ZNF257: variants seen among roughly 807,000 people sequenced by gnomAD.
The protein encoded by ZNF257 is zinc finger protein 257.
Under a neutral mutation model 11.9 loss-of-function variants are expected in ZNF257, and 12 were observed. That is an observed-to-expected ratio of 1.01 (90% CI 0.65 to 1.63). ZNF257 has a LOEUF of 1.63. Among genes scored for constraint, ZNF257 ranks in the 40% most tolerant of loss-of-function variants. ZNF257 has a pLI of 0.00. For missense variants in ZNF257, 580 were observed against 665.5 expected, an observed-to-expected ratio of 0.87 and a Z score of 1.41; for synonymous variants, 183 against 222.7, an observed-to-expected ratio of 0.82 and a Z score of 1.59.
intron 1 of ZNF257, among the ~76,000 whole-genome samples, chr19:22,056,054 C>CAAAAAAAA (rs139730834): frequency 8.6e-6 from 1 of 116,674 alleles, no homozygotes; most frequent in African/African-American, 3.3e-5. Flanking sequence ...GACTCCGTCT[C>CAAAAAAAA]AAAAAAAAAA....
chr19:22,055,856 G>C (rs1395187932), intron 1 of ZNF257, among the ~76,000 whole-genome samples: 1 of 151,604 alleles, frequency 6.6e-6, no homozygotes, highest in Non-Finnish European at 1.5e-5. Context: ...ATTAGGTCAG[G>C]AGATCGAGAC....
chr19:22,082,069 A>C (rs2022371903), intron 3 of ZNF257, among the ~76,000 whole-genome samples: 1 of 142,288 alleles, frequency 7.0e-6, no homozygotes, highest in Non-Finnish European at 1.5e-5. Flanking sequence ...AGGTTAAAAC[A>C]ATATATTTTA....
intron 2 of ZNF257, 105 bp downstream of exon 2, chr19:22,073,040 T>G: frequency 7.7e-7 from 1 of 1,292,644 alleles, no homozygotes; most frequent in Non-Finnish European, 1.0e-6. Flanking sequence ...TAATTTTTGA[T>G]AATTATGTTT....
In ZNF257 at chr19:22,089,517, G is replaced by A. The variant is rs867151715; in HGVS notation, c.*75G>A. 1 of 1,503,878 alleles carries A rather than the reference G, an allele frequency of 6.6e-7. No individual in the cohort carries two copies. Among genetic ancestry groups the A allele is most frequent in the Non-Finnish European group, 8.9e-7 (1 of 1,127,580 alleles). 93.2% of individuals were successfully genotyped at this position (1,503,878 alleles called of 1,614,324 possible). A position where few individuals can be genotyped will look rare whatever the true frequency, so the allele number is the denominator to read the frequency against. Reference sequence around the variant, plus strand: ...TCCTCAATCCTTACTAAACATAAGGGAATTCATAATAGAGAAACCCTACAA... The same window carrying A: ...TCCTCAATCCTTACTAAACATAAGGAAATTCATAATAGAGAAACCCTACAA... On this transcript the variant is annotated 3_prime_UTR_variant, in exon 4 of 4. Coordinates refer to ENST00000594947, the MANE Select transcript of ZNF257 (RefSeq NM_033468.4).
intron 1 of ZNF257, among the ~76,000 whole-genome samples, chr19:22,059,194 T>A (rs1409177993): frequency 6.6e-6 from 1 of 152,158 alleles, no homozygotes; most frequent in Non-Finnish European, 1.5e-5. Context: ...AGGTTTGTTA[T>A]ATAGGTAAAA....
intron 3 of ZNF257, among the ~76,000 whole-genome samples, chr19:22,082,139 C>A (rs2145714455): frequency 6.6e-6 from 1 of 152,118 alleles, no homozygotes; most frequent in South Asian, 2.1e-4. Flanking sequence ...ATTAATATTA[C>A]AAATTATATC....
chr19:22,058,827 A>G (rs1261622435), intron 1 of ZNF257, among the ~76,000 whole-genome samples: 2 of 152,080 alleles, frequency 1.3e-5, no homozygotes, highest in Non-Finnish European at 2.9e-5. Flanking sequence ...CCCACTAGAC[A>G]TTGAGGTGTC....
At chr19:22,073,153 C>A (rs535006890) in intron 2 of ZNF257, among the ~76,000 whole-genome samples, 2 of 152,080 alleles carry the variant, frequency 1.3e-5, no homozygotes, top group Non-Finnish European at 2.9e-5. Flanking sequence ...ACTGAACTTT[C>A]CACATTGCTG....
intron 3 of ZNF257, among the ~76,000 whole-genome samples, chr19:22,077,778 T>A (rs1055779616): frequency 6.6e-6 from 1 of 152,168 alleles, no homozygotes; most frequent in Admixed American, 6.5e-5. Context: ...TAGATATAGA[T>A]TCATAAATGA....
intron 1 of ZNF257, chr19:22,065,883 G>T (rs1165960913): frequency 1.3e-5 from 2 of 152,166 alleles, no homozygotes; most frequent in Non-Finnish European, 2.9e-5. Flanking sequence ...CCATTCAATG[G>T]CTAGGAGATG....
intron 3 of ZNF257, chr19:22,087,626 A>G (rs1299813975): frequency 1.7e-6 from 2 of 1,206,100 alleles, no homozygotes; most frequent in Non-Finnish European, 2.1e-6. Flanking sequence ...TGTCTTTTAA[A>G]TAGAAACAAG....
At position 22,088,348 on chromosome 19, in the gene ZNF257, T is replaced by G. The variant is rs1197351952; in HGVS notation, c.598T>G (p.Ser200Ala). 1 of 1,611,398 alleles carries G rather than the reference T, an allele frequency of 6.2e-7. No homozygotes were observed. Among genetic ancestry groups the G allele is most frequent in the Non-Finnish European group, 8.5e-7 (1 of 1,179,100 alleles). Residue 200 changes from serine (S) to alanine (A), a missense_variant, in exon 4 of 4, where the codon TCC (serine) becomes GCC (alanine). Coordinates refer to ENST00000594947, the MANE Select transcript of ZNF257 (RefSeq NM_033468.4). ...TAAGAGAATTCATATTAGAGAGAAT[T>G]CCCACAAATGTGAAGAATGTGGCAA... ...RHKRIHIREN[S>A]HKCEECGKAF...
chr19:22,067,876 G>T (rs923332466), intron 1 of ZNF257, among the ~76,000 whole-genome samples: 1 of 145,712 alleles, frequency 6.9e-6, no homozygotes, highest in African/African-American at 2.5e-5. Context: ...ACACAATTAT[G>T]TCTCCCCCCC....
chr19:22,088,074 T>C lies in ZNF257; in HGVS notation c.324T>C (p.His108=), dbSNP rs762994249. Residue 108 remains histidine, a synonymous_variant, in exon 4 of 4, where the codon CAT becomes CAC. Transcript: ENST00000594947. ...TGAGGAGATATGATAAATGTGAACA[T>C]GAGAATTTACAATTAAGAAAGGGCT... The part of the protein sequence containing the change: ...VILRRYDKCE[H]ENLQLRKGCK... 6 of 1,607,056 alleles carry C rather than the reference T, an allele frequency of 3.7e-6. No homozygotes were observed. Among genetic ancestry groups the C allele is most frequent in the Non-Finnish European group, 5.1e-6 (6 of 1,175,856 alleles).
chr19:22,085,977 T>A (rs28456336), intron 3 of ZNF257, among the ~76,000 whole-genome samples: 4 of 151,882 alleles, frequency 2.6e-5, no homozygotes, highest in Non-Finnish European at 4.4e-5. Context: ...AAGGCAAGTC[T>A]GGCCTTGAGT....
intron 3 of ZNF257, among the ~76,000 whole-genome samples, chr19:22,082,170 T>C (rs1255307219): frequency 1.3e-5 from 2 of 152,114 alleles, no homozygotes. Context: ...TTTATGCAGA[T>C]TTATATTTTG....
chr19:22,062,289 AT>A (rs145725279), intron 1 of ZNF257, among the ~76,000 whole-genome samples: 1 of 145,244 alleles, frequency 6.9e-6, no homozygotes, highest in African/African-American at 2.6e-5. Flanking sequence ...GCAGTGGCGA[AT>A]TTTTTTTGTA....
intron 3 of ZNF257, among the ~76,000 whole-genome samples, chr19:22,080,412 C>T (rs1158757651): frequency 6.6e-6 from 1 of 152,102 alleles, no homozygotes; most frequent in Admixed American, 6.5e-5. Flanking sequence ...AGAGAGCTGG[C>T]TCATTAAAAG....
Position 22,052,735 on chromosome 19 carries a change from C to T in ZNF257, c.3+100C>T, listed in dbSNP as rs889040656. ...GACTCAGGCCTCCTTGCAGTCAGCC[C>T]TACCATCTGCGCCCGAGTTTTCCTT... On this transcript the variant is annotated intron_variant, in intron 1 of 3. Transcript: ENST00000594947. The T allele has an allele frequency of 2.1e-6, 3 of 1,407,988 alleles. No homozygotes were observed. In the Admixed American group the frequency reaches 5.3e-5, roughly 25 times the overall value. 87.2% of individuals were successfully genotyped at this position (1,407,988 alleles called of 1,614,324 possible).
Sources: gnomAD v4.1 joint callset for allele counts (sites outside exome capture counted in the v4.1 genomes callset) on GRCh38, gnomAD v4.1.1 for gene constraint, MANE v1.5 for transcripts, NCBI Gene and HGNC (gene_info 2026-07-23, HGNC 2026-07-21) for gene names.